Variants in GPC5 observed in about 807,000 individuals in gnomAD.
GPC5 encodes the protein glypican-5.
A neutral mutation model predicts 53.9 loss-of-function variants in GPC5; 47 were observed. That is an observed-to-expected ratio of 0.87 (90% CI 0.69 to 1.11). GPC5 has a LOEUF of 1.11. Among genes scored for constraint, GPC5 ranks in the 50% most tolerant of loss-of-function variants. The pLI is 0.00. For synonymous variants in GPC5, 286 were observed against 263.3 expected, an observed-to-expected ratio of 1.09 and a Z score of -0.84; for missense variants, 748 against 713.1, an observed-to-expected ratio of 1.05 and a Z score of -0.56.
intron 7 of GPC5, among the ~76,000 whole-genome samples, chr13:92,710,036 T>C (rs1049311419): frequency 4.6e-5 from 7 of 152,198 alleles, no homozygotes; most frequent in Admixed American, 4.6e-4. Flanking sequence ...TCATAGCCAC[T>C]GGCAGAAATA....
chr13:92,048,234 A>T (rs1256215901), intron 6 of GPC5, among the ~76,000 whole-genome samples: 2 of 151,918 alleles, frequency 1.3e-5, no homozygotes, highest in Non-Finnish European at 2.9e-5. Context: ...TTTTCATATT[A>T]CAAATAATAG....
intron 7 of GPC5, among the ~76,000 whole-genome samples, chr13:92,337,329 T>C (rs1041928371): frequency 6.6e-6 from 1 of 152,076 alleles, no homozygotes; most frequent in Non-Finnish European, 1.5e-5. Context: ...TCTATGTTCA[T>C]AAATAGGAAG....
At chr13:91,669,017 A>G (rs751905138) in intron 2 of GPC5, among the ~76,000 whole-genome samples, 2 of 152,182 alleles carry the variant, frequency 1.3e-5, no homozygotes, top group Non-Finnish European at 2.9e-5. Context: ...CTTTCAAATG[A>G]CAGTGCTTAA....
intron 7 of GPC5, among the ~76,000 whole-genome samples, chr13:92,495,304 G>A (rs1879929530): frequency 6.6e-6 from 1 of 152,156 alleles, no homozygotes; most frequent in Middle Eastern, 3.4e-3. Flanking sequence ...AGTTTGGGGA[G>A]GTGGAGGTAA....
chr13:92,586,962 A>ACACG (rs1555292933), intron 7 of GPC5, among the ~76,000 whole-genome samples: 74 of 100,738 alleles, frequency 7.3e-4, no homozygotes, highest in African/African-American at 2.5e-3. Flanking sequence ...ACACACACAC[A>ACACG]CGCGCACACA....
chr13:92,132,242 G>C (rs2041750376), intron 6 of GPC5, among the ~76,000 whole-genome samples: 1 of 152,100 alleles, frequency 6.6e-6, no homozygotes, highest in African/African-American at 2.4e-5. Flanking sequence ...AGGTGCTCTT[G>C]TTTATGATGG....
At chr13:91,792,153 T>G (rs1273171787) in intron 5 of GPC5, among the ~76,000 whole-genome samples, 6 of 152,222 alleles carry the variant, frequency 3.9e-5, no homozygotes, top group Non-Finnish European at 8.8e-5. Context: ...CTTTTACTTT[T>G]GAACATGGAT....
intron 7 of GPC5, among the ~76,000 whole-genome samples, chr13:92,806,270 C>T (rs1877096801): frequency 6.6e-6 from 1 of 152,062 alleles, no homozygotes; most frequent in Non-Finnish European, 1.5e-5. Context: ...TTTCCCACTG[C>T]TTTCATCCCT....
Position 92,695,038 on chromosome 13 carries a change from C to T in GPC5, c.1562-171244C>T, listed in dbSNP as rs541261905. On this transcript the variant is annotated intron_variant, in intron 7 of 7. Coordinates refer to ENST00000377067, the MANE Select transcript of GPC5 (RefSeq NM_004466.6). ...CTCTCCTGCTTCTATGTAAGAAGTG[C>T]GTTGCTTCCCCTTCACCTTCTGCCA... Among the ~76,000 whole-genome samples, 69 of 152,262 alleles carry T rather than the reference C, an allele frequency of 4.5e-4. 1 individual carries two copies. In the South Asian group the frequency reaches 0.012, roughly 26 times the overall value.
intron 6 of GPC5, among the ~76,000 whole-genome samples, chr13:92,113,030 A>G (rs2041570719): frequency 6.6e-6 from 1 of 152,122 alleles, no homozygotes; most frequent in Non-Finnish European, 1.5e-5. Context: ...TGAAACATCA[A>G]CTGATAAGTG....
intron 2 of GPC5, among the ~76,000 whole-genome samples, chr13:91,557,678 A>G (rs1339032063): frequency 6.6e-6 from 1 of 152,172 alleles, no homozygotes. Flanking sequence ...GAATCCTTTC[A>G]TTCAAACAGA....
At chr13:91,796,122 C>A (rs113173066) in intron 5 of GPC5, among the ~76,000 whole-genome samples, 5,838 of 152,128 alleles carry the variant, frequency 0.038, 143 homozygotes, top group Middle Eastern at 0.065. Flanking sequence ...GGAATGGAAT[C>A]TGGGGCCATG....
At chr13:92,285,485 A>C (rs1283869057) in intron 7 of GPC5, among the ~76,000 whole-genome samples, 1 of 152,202 alleles carries the variant, frequency 6.6e-6, no homozygotes, top group Non-Finnish European at 1.5e-5. Context: ...ACCTGACTTC[A>C]AACTATACTA....
intron 2 of GPC5, among the ~76,000 whole-genome samples, chr13:91,584,936 A>T (rs1200698149): frequency 6.6e-6 from 1 of 152,206 alleles, no homozygotes; most frequent in Admixed American, 6.5e-5. Context: ...GTAAATCACA[A>T]ATAGGAGTGG....
chr13:92,084,099 C>G (rs1186315859), intron 6 of GPC5, among the ~76,000 whole-genome samples: 1 of 151,944 alleles, frequency 6.6e-6, no homozygotes, highest in East Asian at 1.9e-4. Flanking sequence ...AGGGAGAGGA[C>G]CAAAACACAC....
chr13:92,157,415 T>C (rs2041952658), intron 7 of GPC5, among the ~76,000 whole-genome samples: 1 of 152,154 alleles, frequency 6.6e-6, no homozygotes, highest in African/African-American at 2.4e-5. Context: ...TGTTTGCTAA[T>C]TGGTATTTAT....
At chr13:92,446,204 T>TA (rs1269837365) in intron 7 of GPC5, among the ~76,000 whole-genome samples, 1 of 152,060 alleles carries the variant, frequency 6.6e-6, no homozygotes, top group East Asian at 1.9e-4. Context: ...ACTTTTTTTT[T>TA]ACCCAATAAT....
chr13:91,438,465 G>A (rs1880155429), intron 1 of GPC5, among the ~76,000 whole-genome samples: 1 of 152,210 alleles, frequency 6.6e-6, no homozygotes, highest in Non-Finnish European at 1.5e-5. Flanking sequence ...AGCGGAGGCT[G>A]CAGAACAGCG....
At chr13:92,264,972 G>C (rs1257849298) in intron 7 of GPC5, among the ~76,000 whole-genome samples, 2 of 150,776 alleles carry the variant, frequency 1.3e-5, no homozygotes, top group Non-Finnish European at 2.9e-5. Context: ...GAAATGTAGA[G>C]AGCAGAGATT....
Sources: gnomAD v4.1 joint callset for allele counts (sites outside exome capture counted in the v4.1 genomes callset) on GRCh38, gnomAD v4.1.1 for gene constraint, MANE v1.5 for transcripts, NCBI Gene and HGNC (gene_info 2026-07-23, HGNC 2026-07-21) for gene names.